The following EXOC4 variants were observed in gnomAD, a reference collection of about 807,000 sequenced individuals.
The protein encoded by EXOC4 is SEC8-like 1.
A neutral mutation model predicts 107.2 loss-of-function variants in EXOC4; 71 were observed. That is an observed-to-expected ratio of 0.66 (90% CI 0.55 to 0.81). The LOEUF is 0.81. Ranked by LOEUF, EXOC4 falls within the 30% of genes least tolerant of loss-of-function variation. EXOC4 has a pLI of 0.00. For synonymous variants in EXOC4, 456 were observed against 441.2 expected, an observed-to-expected ratio of 1.03 and a Z score of -0.42; for missense variants, 1,108 against 1,189.6, an observed-to-expected ratio of 0.93 and a Z score of 1.01.
At chr7:134,048,008 A>G (rs1795695650) in intron 17 of EXOC4, among the ~76,000 whole-genome samples, 1 of 152,190 alleles carries the variant, frequency 6.6e-6, no homozygotes, top group African/African-American at 2.4e-5. Context: ...TGGGCAAGGG[A>G]TCAGAAAGTA....
chr7:133,464,050 A>G (rs1003650144), intron 7 of EXOC4, among the ~76,000 whole-genome samples: 1 of 152,230 alleles, frequency 6.6e-6, no homozygotes, highest in African/African-American at 2.4e-5. Context: ...TTACTGGAAT[A>G]TATTAGAAAA....
At chr7:133,888,150 T>A (rs940770549) in intron 11 of EXOC4, among the ~76,000 whole-genome samples, 6 of 151,954 alleles carry the variant, frequency 3.9e-5, no homozygotes, top group Non-Finnish European at 5.9e-5. Flanking sequence ...CCACCAAATC[T>A]TCTTGAATAA....
At chr7:133,663,420 CAG>C (rs1417050193) in intron 10 of EXOC4, among the ~76,000 whole-genome samples, 1 of 152,120 alleles carries the variant, frequency 6.6e-6, no homozygotes, top group Non-Finnish European at 1.5e-5. Flanking sequence ...TTTATATCTC[CAG>C]CCTGGACCAC....
chr7:133,332,150 C>G (rs1475209401), intron 5 of EXOC4, among the ~76,000 whole-genome samples: 7 of 152,134 alleles, frequency 4.6e-5, no homozygotes. Flanking sequence ...TTTATTCATG[C>G]TTCTGCTGGG....
At chr7:133,656,065 G>T (rs181641426) in intron 10 of EXOC4, among the ~76,000 whole-genome samples, 1 of 152,174 alleles carries the variant, frequency 6.6e-6, no homozygotes. Flanking sequence ...CATTGGAATC[G>T]TATTGGACCA....
intron 10 of EXOC4, among the ~76,000 whole-genome samples, chr7:133,770,999 C>T (rs1204461430): frequency 6.6e-6 from 1 of 151,864 alleles, no homozygotes; most frequent in East Asian, 1.9e-4. Context: ...TGTTGTAGCC[C>T]AGCAAAAGGA....
intron 11 of EXOC4, among the ~76,000 whole-genome samples, chr7:133,855,076 TATCTAAATATATATAA>T (rs1798324312): frequency 1.1e-5 from 1 of 94,162 alleles, no homozygotes; most frequent in African/African-American, 7.0e-5. Context: ...TATCTAAATA[TATCTAAATATATATAA>T]ATATATATAT....
chr7:133,262,073 C>T (rs1349126014), intron 1 of EXOC4, among the ~76,000 whole-genome samples: 1 of 152,110 alleles, frequency 6.6e-6, no homozygotes, highest in Non-Finnish European at 1.5e-5. Context: ...TTGTTCGTTA[C>T]TTTGTTAGTC....
chr7:134,017,272 A>T (rs1794931241), intron 17 of EXOC4, among the ~76,000 whole-genome samples: 1 of 152,108 alleles, frequency 6.6e-6, no homozygotes, highest in African/African-American at 2.4e-5. Context: ...CTGCCAAAAA[A>T]ATTCTTTTTT....
intron 7 of EXOC4, among the ~76,000 whole-genome samples, chr7:133,457,175 CA>C (rs1394137293): frequency 6.6e-6 from 1 of 152,080 alleles, no homozygotes; most frequent in African/African-American, 2.4e-5. Flanking sequence ...TAGTAGGACT[CA>C]ATGAATAAAG....
intron 7 of EXOC4, among the ~76,000 whole-genome samples, chr7:133,394,903 A>G (rs1796936102): frequency 6.6e-6 from 1 of 151,090 alleles, no homozygotes; most frequent in African/African-American, 2.4e-5. Flanking sequence ...AAAAAGGGGA[A>G]AATGTAAAAA....
intron 7 of EXOC4, among the ~76,000 whole-genome samples, chr7:133,423,439 A>T (rs932812042): frequency 3.3e-5 from 5 of 152,152 alleles, no homozygotes; most frequent in Non-Finnish European, 7.4e-5. Flanking sequence ...AGCACTCTCT[A>T]TCTTACTTTA....
At chr7:134,060,215 T>C (rs1796024641) in intron 17 of EXOC4, among the ~76,000 whole-genome samples, 1 of 152,176 alleles carries the variant, frequency 6.6e-6, no homozygotes, top group Non-Finnish European at 1.5e-5. Flanking sequence ...CTTATAATAC[T>C]TTGGGAACTG....
At chr7:134,007,547 A>T in intron 16 of EXOC4, 129 bp from the exon 17 acceptor site, 1 of 757,416 alleles carries the variant, frequency 1.3e-6, no homozygotes, top group Non-Finnish European at 2.0e-6. Context: ...CAACCATCAG[A>T]GGTAGATTTT....
chr7:133,350,973 A>C (rs1795896572), intron 5 of EXOC4, among the ~76,000 whole-genome samples: 1 of 151,788 alleles, frequency 6.6e-6, no homozygotes, highest in Admixed American at 6.6e-5. Context: ...CTTTTTCGTT[A>C]ATTCCTGATT....
rs1794681511 is a variant in EXOC4, at chr7:134,007,980, T to C, written c.2687+145T>C. The stretch of plus-strand genomic sequence containing the variant: ...CACAGATAGATGTTTTTAGGTCCTA[T>C]AGAGAAAATAATTCCACAGAATTCT... On this transcript the variant is annotated intron_variant, in intron 17 of 17. Coordinates refer to ENST00000253861, the MANE Select transcript of EXOC4 (RefSeq NM_021807.4). The C allele has an allele frequency of 4.3e-6, 3 of 696,478 alleles. No homozygotes were observed. In the African/African-American group the frequency reaches 5.4e-5, roughly 13 times the overall value. 43.1% of individuals were successfully genotyped at this position (696,478 alleles called of 1,614,324 possible).
intron 5 of EXOC4, among the ~76,000 whole-genome samples, chr7:133,337,922 A>G (rs1795556494): frequency 6.6e-6 from 1 of 151,652 alleles, no homozygotes. Flanking sequence ...TTGAGCCACC[A>G]TGCTGAGCCC....
intron 5 of EXOC4, among the ~76,000 whole-genome samples, chr7:133,333,017 A>G (rs1204675282): frequency 6.6e-6 from 1 of 152,244 alleles, no homozygotes; most frequent in African/African-American, 2.4e-5. Context: ...CAAGTGCAGT[A>G]CACATTCCAA....
chr7:133,620,045 CAG>C (rs1802291320), intron 9 of EXOC4, among the ~76,000 whole-genome samples: 2 of 151,562 alleles, frequency 1.3e-5, no homozygotes, highest in South Asian at 4.2e-4. Flanking sequence ...TGTTTTGAGA[CAG>C]AGTCTCCCTC....
Sources: gnomAD v4.1 joint callset for allele counts (sites outside exome capture counted in the v4.1 genomes callset) on GRCh38, gnomAD v4.1.1 for gene constraint, MANE v1.5 for transcripts, NCBI Gene and HGNC (gene_info 2026-07-23, HGNC 2026-07-21) for gene names.